The following MALRD1 variants were observed in gnomAD, a reference collection of about 807,000 sequenced individuals.
MALRD1 encodes the protein MAM and LDL receptor class A domain containing 1.
Under a neutral mutation model 242.1 loss-of-function variants are expected in MALRD1, and 247 were observed. The ratio of observed to expected loss-of-function variants is 1.02; its 90% CI spans 0.92 to 1.13. MALRD1 has a LOEUF of 1.13. Among genes scored for constraint, MALRD1 ranks in the 50% most tolerant of loss-of-function variants. The pLI is 0.00. For synonymous variants in MALRD1, 995 were observed against 866.6 expected, an observed-to-expected ratio of 1.15 and a Z score of -2.60; for missense variants, 2,989 against 2,533.1, an observed-to-expected ratio of 1.18 and a Z score of -3.86.
At chr10:19,651,305 T>G (rs902954588) in intron 36 of MALRD1, among the ~76,000 whole-genome samples, 2 of 152,176 alleles carry the variant, frequency 1.3e-5, no homozygotes, top group African/African-American at 4.8e-5. Flanking sequence ...GTGATCTAGT[T>G]CTTATCTAAC....
chr10:19,568,243 T>C (rs1211330677), intron 33 of MALRD1, among the ~76,000 whole-genome samples: 1 of 152,186 alleles, frequency 6.6e-6, no homozygotes, highest in Non-Finnish European at 1.5e-5. Context: ...GTTCCCCCCC[T>C]AAGTGGGGCT....
At chr10:19,236,686 GA>G (rs1432493543) in intron 18 of MALRD1, among the ~76,000 whole-genome samples, 1 of 152,076 alleles carries the variant, frequency 6.6e-6, no homozygotes, top group Non-Finnish European at 1.5e-5. Context: ...TTACTGTATA[GA>G]AAATTTGTCT....
At chr10:19,275,764 G>T (rs1189994368) in intron 19 of MALRD1, among the ~76,000 whole-genome samples, 2 of 152,192 alleles carry the variant, frequency 1.3e-5, no homozygotes, top group Admixed American at 6.5e-5. Context: ...CAAGTTTAAA[G>T]TAGTACAGTC....
chr10:19,319,430 A>G (rs191375724), intron 21 of MALRD1, among the ~76,000 whole-genome samples: 61 of 152,252 alleles, frequency 4.0e-4, no homozygotes, highest in African/African-American at 1.3e-3. Flanking sequence ...CATAAATCAG[A>G]TGTCCAAATA....
rs117931450 is a variant in MALRD1, at chr10:19,599,629, C to T, written c.5944+4172C>T. 8.3e-3 allele frequency among the ~76,000 whole-genome samples: 1,258 copies of T among 152,082 alleles called. 6 individuals are homozygous for T. Among genetic ancestry groups the T allele is most frequent in the Middle Eastern group, 0.021 (6 of 292 alleles). On this transcript the variant is annotated intron_variant, in intron 34 of 39. Coordinates refer to ENST00000454679, the MANE Select transcript of MALRD1 (RefSeq NM_001142308.3). The stretch of plus-strand genomic sequence containing the variant: ...CCTGGCAAGAAATAGTTATTGATAT[C>T]GCATAGGTTGAAAAAATATTAATAA...
chr10:19,635,264 A>G (rs1435111191), intron 36 of MALRD1, among the ~76,000 whole-genome samples: 1 of 152,204 alleles, frequency 6.6e-6, no homozygotes, highest in Non-Finnish European at 1.5e-5. Flanking sequence ...TCATGGTAAC[A>G]GAGACAGAAA....
At chr10:19,463,597 CTCTT>C (rs1441401843) in intron 29 of MALRD1, among the ~76,000 whole-genome samples, 4 of 120,250 alleles carry the variant, frequency 3.3e-5, no homozygotes, top group Non-Finnish European at 5.2e-5. Context: ...TGTGTATATA[CTCTT>C]TCTTTATCTA....
intron 36 of MALRD1, among the ~76,000 whole-genome samples, chr10:19,641,222 C>T (rs1564508853): frequency 6.6e-6 from 1 of 152,070 alleles, no homozygotes; most frequent in African/African-American, 2.4e-5. Context: ...CTAGAGTTAG[C>T]ATTGAAAACC....
In MALRD1 at chr10:19,387,637, T is replaced by G; in HGVS notation, c.4551T>G (p.Cys1517Trp). 1 of 1,550,402 alleles carries G rather than the reference T, an allele frequency of 6.4e-7. No homozygotes were observed. Among genetic ancestry groups the G allele is most frequent in the Non-Finnish European group, 8.7e-7 (1 of 1,146,892 alleles). The change falls in exon 27 of 40, where the codon TGT becomes TGG. Residue 1517 changes from cysteine (C) to tryptophan (W), a missense_variant. Physicochemically the swap from Cys to Trp is radical, Grantham distance 215. Transcript: ENST00000454679. Reference protein sequence around the residue: ...NCGDNTDENECGSSCTFEKGW... With the variant: ...NCGDNTDENEWGSSCTFEKGW... ...GAGATAATACTGATGAAAATGAGTG[T>G]GGTAGCTCCTGTACTTTTGAAAAAG...
At chr10:19,080,675 A>T (rs1835458744) in intron 2 of MALRD1, among the ~76,000 whole-genome samples, 1 of 152,086 alleles carries the variant, frequency 6.6e-6, no homozygotes. Context: ...CTAGAAGGAA[A>T]TCCAGGCAAT....
chr10:19,125,482 C>T (rs1210669583), intron 7 of MALRD1, among the ~76,000 whole-genome samples: 2 of 149,358 alleles, frequency 1.3e-5, no homozygotes, highest in African/African-American at 4.9e-5. Context: ...GTTTCTTCCT[C>T]TTGCTAACAT....
intron 38 of MALRD1, among the ~76,000 whole-genome samples, chr10:19,701,977 A>C (rs2131848646): frequency 6.6e-6 from 1 of 152,106 alleles, no homozygotes; most frequent in Non-Finnish European, 1.5e-5. Context: ...ACTTCTCAAA[A>C]GAAAATTCTT....
intron 33 of MALRD1, among the ~76,000 whole-genome samples, chr10:19,583,715 G>T (rs565084919): frequency 1.3e-4 from 19 of 151,988 alleles, no homozygotes; most frequent in Non-Finnish European, 2.2e-4. Context: ...CCCGGCTTTG[G>T]TATCAGGATG....
intron 29 of MALRD1, among the ~76,000 whole-genome samples, chr10:19,483,831 C>T (rs1031114017): frequency 1.3e-5 from 2 of 152,064 alleles, no homozygotes; most frequent in South Asian, 4.1e-4. Context: ...AATGCATATG[C>T]TCTTCATAGC....
intron 28 of MALRD1, among the ~76,000 whole-genome samples, chr10:19,445,016 T>C (rs1002270914): frequency 2.0e-5 from 3 of 152,208 alleles, no homozygotes; most frequent in Non-Finnish European, 4.4e-5. Flanking sequence ...TTTTTACTCT[T>C]TTTTCTCTAA....
intron 32 of MALRD1, among the ~76,000 whole-genome samples, chr10:19,559,897 C>T (rs1835889180): frequency 6.6e-6 from 1 of 152,188 alleles, no homozygotes; most frequent in Non-Finnish European, 1.5e-5. Flanking sequence ...AAAAGCTCAT[C>T]ATCACTGGTC....
At chr10:19,511,723 A>G (rs1833410284) in intron 31 of MALRD1, among the ~76,000 whole-genome samples, 1 of 152,214 alleles carries the variant, frequency 6.6e-6, no homozygotes, top group African/African-American at 2.4e-5. Flanking sequence ...CTCTAAGATC[A>G]TGTAGGGATA....
chr10:19,694,879 A>AAGT (rs1481978718), intron 38 of MALRD1, among the ~76,000 whole-genome samples: 1 of 152,228 alleles, frequency 6.6e-6, no homozygotes. Flanking sequence ...ACACCATGGA[A>AAGT]TACTATGCAG....
At chr10:19,530,474 TATA>T (rs1391698355) in intron 31 of MALRD1, among the ~76,000 whole-genome samples, 1 of 137,124 alleles carries the variant, frequency 7.3e-6, no homozygotes, top group African/African-American at 2.7e-5. Flanking sequence ...TAAATAATTA[TATA>T]ATATTTATAT....
Sources: allele counts gnomAD v4.1 joint callset (sites outside exome capture counted in the v4.1 genomes callset), GRCh38; gene constraint gnomAD v4.1.1; transcripts MANE v1.5; gene names NCBI Gene and HGNC (gene_info 2026-07-23, HGNC 2026-07-21).